Variants in MGAT4C observed in about 807,000 individuals in gnomAD.
The protein encoded by MGAT4C is alpha-1,3-mannosyl-glycoprotein 4-beta-N-acetylglucosaminyltransferase C.
Under a neutral mutation model 40.1 loss-of-function variants are expected in MGAT4C, and 19 were observed. That is an observed-to-expected ratio of 0.47 (90% CI 0.33 to 0.70). The LOEUF is 0.70. MGAT4C is among the 30% of genes least tolerant of loss of function. MGAT4C has a pLI of 0.02. For missense variants in MGAT4C, 491 were observed against 563.2 expected (o/e 0.87, Z 1.30); for synonymous variants, 181 against 187.1 (o/e 0.97, Z 0.27).
At chr12:86,149,702 A>G (rs554748495) in intron 1 of MGAT4C, among the ~76,000 whole-genome samples, 2 of 152,348 alleles carry the variant, frequency 1.3e-5, no homozygotes, top group East Asian at 3.9e-4. Flanking sequence ...GATATCTTAG[A>G]ACATAATTCT....
chr12:86,465,312 T>C (rs2136298990), intron 2 of MGAT4C, among the ~76,000 whole-genome samples: 1 of 152,152 alleles, frequency 6.6e-6, no homozygotes, highest in African/African-American at 2.4e-5. Flanking sequence ...TGACCTTGGG[T>C]ATGGTGATGA....
intron 2 of MGAT4C, among the ~76,000 whole-genome samples, chr12:86,697,550 A>C (rs1950280186): frequency 6.6e-6 from 1 of 152,208 alleles, no homozygotes; most frequent in South Asian, 2.1e-4. Flanking sequence ...AATCACCCAA[A>C]GGGTCTCCCA....
At chr12:86,110,300 C>CTA (rs1212728296) in intron 1 of MGAT4C, among the ~76,000 whole-genome samples, 4 of 12,210 alleles carry the variant, frequency 3.3e-4, no homozygotes, top group East Asian at 2.2e-3. Flanking sequence ...TATAGTCTCT[C>CTA]TATATATATA....
intron 1 of MGAT4C, among the ~76,000 whole-genome samples, chr12:86,161,925 C>T (rs555893267): frequency 1.3e-5 from 2 of 152,018 alleles, no homozygotes; most frequent in Admixed American, 6.6e-5. Context: ...ATCAGAAAAA[C>T]GTAAATCAAA....
Position 86,277,315 on chromosome 12 carries a change from G to A in MGAT4C, c.-57+56750C>T, listed in dbSNP as rs181950547. 3.9e-3 allele frequency among the ~76,000 whole-genome samples: 598 copies of A among 152,088 alleles called. 3 individuals are homozygous for A. Among genetic ancestry groups the A allele is most frequent in the Admixed American group, 8.6e-3 (132 of 15,272 alleles). ...TAATCCATTGTCAGATGAATACTTT[G>A]CAAATATTTTCTCCCATTCATTGGG... On this transcript the variant is annotated intron_variant, in intron 4 of 7. Transcript: ENST00000548651.
chr12:86,786,636 A>C (rs920754678), intron 1 of MGAT4C, among the ~76,000 whole-genome samples: 3 of 151,938 alleles, frequency 2.0e-5, no homozygotes, highest in Admixed American at 2.0e-4. Context: ...TGTGTCAAGG[A>C]AAACTACAAT....
At chr12:86,781,014 G>T (rs988982970) in intron 1 of MGAT4C, among the ~76,000 whole-genome samples, 2 of 18,144 alleles carry the variant, frequency 1.1e-4, no homozygotes, top group Non-Finnish European at 6.9e-4. Context: ...GCTGAGTATT[G>T]TGTGTGTGTG....
chr12:86,171,809 T>C (rs11103877), intron 1 of MGAT4C, among the ~76,000 whole-genome samples: 16,642 of 152,168 alleles, frequency 0.11, 1,890 homozygotes, highest in African/African-American at 0.29. Flanking sequence ...CATAAATGTT[T>C]TTTGGATGAA....
At chr12:86,115,347 T>C (rs1878226998) in intron 1 of MGAT4C, among the ~76,000 whole-genome samples, 1 of 151,964 alleles carries the variant, frequency 6.6e-6, no homozygotes, top group Non-Finnish European at 1.5e-5. Context: ...GACTTGTTAA[T>C]CAATTAGGTC....
At chr12:86,461,610 C>T (rs1391316401) in intron 2 of MGAT4C, among the ~76,000 whole-genome samples, 2 of 151,968 alleles carry the variant, frequency 1.3e-5, no homozygotes, top group Non-Finnish European at 2.9e-5. Flanking sequence ...TTTTGGTGGG[C>T]TTCTACATTT....
At chr12:86,018,761 G>GGA (rs142282244) in intron 2 of MGAT4C, among the ~76,000 whole-genome samples, 2 of 151,824 alleles carry the variant, frequency 1.3e-5, no homozygotes, top group South Asian at 4.2e-4. Context: ...ACATATATAA[G>GGA]GAGAGAGAGA....
At chr12:86,289,294 G>C (rs2406119) in intron 4 of MGAT4C, among the ~76,000 whole-genome samples, 102,325 of 152,052 alleles carry the variant, frequency 0.67, 34,833 homozygotes, top group South Asian at 0.78. Flanking sequence ...ATACCAAGCT[G>C]TTTTGGTTAC....
At chr12:86,215,405 C>T (rs184465369) in intron 1 of MGAT4C, among the ~76,000 whole-genome samples, 70 of 152,202 alleles carry the variant, frequency 4.6e-4, no homozygotes, top group African/African-American at 1.5e-3. Context: ...AAAGCTGCCC[C>T]CACACATAGC....
At chr12:86,794,598 T>A (rs1044201260) in intron 1 of MGAT4C, among the ~76,000 whole-genome samples, 1 of 151,868 alleles carries the variant, frequency 6.6e-6, no homozygotes, top group Non-Finnish European at 1.5e-5. Flanking sequence ...TAGAAAAATG[T>A]TCTTAATATA....
chr12:86,328,868 A>G (rs937266212), intron 4 of MGAT4C, among the ~76,000 whole-genome samples: 6 of 150,836 alleles, frequency 4.0e-5, no homozygotes, highest in African/African-American at 1.5e-4. Flanking sequence ...CACTTTGGGA[A>G]GCCAAGGTGG....
intron 2 of MGAT4C, among the ~76,000 whole-genome samples, chr12:86,508,177 T>G (rs1373841527): frequency 6.6e-6 from 1 of 152,124 alleles, no homozygotes; most frequent in Non-Finnish European, 1.5e-5. Context: ...CATCTAGCAT[T>G]AGGTATATCT....
intron 3 of MGAT4C, among the ~76,000 whole-genome samples, chr12:86,343,036 C>T (rs538126695): frequency 2.0e-5 from 3 of 152,226 alleles, no homozygotes; most frequent in East Asian, 3.9e-4. Flanking sequence ...ATAGAAAGCT[C>T]AGGGCTGTTT....
At chr12:86,426,946 C>A (rs1956937633) in intron 3 of MGAT4C, among the ~76,000 whole-genome samples, 1 of 151,156 alleles carries the variant, frequency 6.6e-6, no homozygotes, top group South Asian at 2.1e-4. Context: ...GAATCCATCT[C>A]AAAAAAAGAA....
chr12:86,736,215 T>G (rs1950983472), intron 1 of MGAT4C, among the ~76,000 whole-genome samples: 1 of 151,802 alleles, frequency 6.6e-6, no homozygotes, highest in African/African-American at 2.4e-5. Context: ...ATCCATGACT[T>G]TACAGTAAGC....
Sources: gnomAD v4.1 joint callset for allele counts (sites outside exome capture counted in the v4.1 genomes callset) on GRCh38, gnomAD v4.1.1 for gene constraint, MANE v1.5 for transcripts, NCBI Gene and HGNC (gene_info 2026-07-23, HGNC 2026-07-21) for gene names.